CCDC74A: variants seen among roughly 807,000 people sequenced by gnomAD.
The protein encoded by CCDC74A is coiled-coil domain containing 74A.
Under a neutral mutation model 37.6 loss-of-function variants are expected in CCDC74A, and 38 were observed. That is an observed-to-expected ratio of 1.01 (90% CI 0.78 to 1.33). The LOEUF (loss-of-function observed/expected upper bound fraction) is 1.33. CCDC74A is among the 40% of genes most tolerant of loss of function. CCDC74A has a pLI of 0.00. For missense variants in CCDC74A, 340 were observed against 403.4 expected, an observed-to-expected ratio of 0.84 and a Z score of 1.35; for synonymous variants, 134 against 165.2, an observed-to-expected ratio of 0.81 and a Z score of 1.45.
intron 3 of CCDC74A, 74 bp from the exon 4 acceptor site, chr2:131,531,590 G>A: frequency 6.9e-7 from 1 of 1,448,766 alleles, no homozygotes; most frequent in Non-Finnish European, 9.1e-7. Context: ...GCTGTTCCTG[G>A]AAAACTTGGG....
At chr2:131,525,439 AACTCTTGG>A (rs1402695648), upstream of CCDC74A, among the ~76,000 whole-genome samples, 4 of 152,306 alleles carry the variant, frequency 2.6e-5, no homozygotes, top group East Asian at 7.7e-4. Flanking sequence ...GCTGGTCTCC[AACTCTTGG>A]GCTCAAGAGA....
chr2:131,523,166 A>T (rs1292722869), upstream of CCDC74A, among the ~76,000 whole-genome samples: 1 of 152,148 alleles, frequency 6.6e-6, no homozygotes, highest in Non-Finnish European at 1.5e-5. Context: ...CCGCATCCTG[A>T]AGTGCTAGGG....
At chr2:131,525,119 A>G (rs1680252573), upstream of CCDC74A, among the ~76,000 whole-genome samples, 1 of 152,226 alleles carries the variant, frequency 6.6e-6, no homozygotes, top group East Asian at 1.9e-4. Context: ...ATAAACCATA[A>G]TTACTGAATA....
rs1276031350 is a variant in CCDC74A at position 131,532,677 on chromosome 2, C to A, written c.574C>A (p.Pro192Thr). Residue 192 changes from proline (P) to threonine (T), a missense_variant, in exon 5 of 8, where the codon CCC (proline) becomes ACC (threonine). This residue lies in a region of CCDC74A where 185 missense variants were observed against 231.5 expected (regional missense o/e 0.80). Coordinates refer to ENST00000409856, the MANE Select transcript of CCDC74A (RefSeq NM_001258306.3). ...CAGGCAGATGGGGGCGGGGGCACAC[C>A]CCCCAATGATCCTGCCCCTTCCCCT... The part of the protein sequence containing the change: ...QGRQMGAGAH[P>T]PMILPLPLRK... 6.2e-7 allele frequency: 1 copy of A among 1,613,240 alleles called. No individual in the cohort carries two copies. The highest frequency in any genetic ancestry group is 2.2e-5 in the East Asian group (1 of 44,872).
Position 131,533,642 on chromosome 2 carries a change from G to A in CCDC74A, c.*244G>A, listed in dbSNP as rs372996927. 2.5e-3 allele frequency: 1,396 copies of A among 551,408 alleles called. 30 individuals carry two copies. The Admixed American group carries it at 0.035, about 14-fold the overall frequency. The allele number at this position is 551,408 out of a possible 1,614,324, so 34.2% of individuals were successfully genotyped here. A position where few individuals can be genotyped will look rare whatever the true frequency, so the allele number is the denominator to read the frequency against. On this transcript the variant is annotated 3_prime_UTR_variant, in exon 8 of 8. Transcript: ENST00000409856. ...AGGTATCGCCTTACCTGTTGAAACT[G>A]AAAATAAAGCTTGTTTATTTCCAAG...
intron 1 of CCDC74A, chr2:131,529,369 C>G (rs1187019320): frequency 1.6e-6 from 1 of 609,302 alleles, no homozygotes; most frequent in Non-Finnish European, 2.9e-6. Flanking sequence ...CCCTAAAGCC[C>G]AGGCCCTGCC....
At chr2:131,530,065 A>G in intron 2 of CCDC74A, 2 of 1,550,390 alleles carry the variant, frequency 1.3e-6, no homozygotes, top group South Asian at 1.2e-5. Flanking sequence ...TTCCAGCCCT[A>G]TGGCTCTGAG....
chr2:131,528,177 C>G lies in CCDC74A; in HGVS notation c.207C>G (p.Ala69=), dbSNP rs1296618306. The G allele has an allele frequency of 6.2e-7, 1 of 1,613,816 alleles. No individual in the cohort carries two copies. The highest frequency in any genetic ancestry group is 2.2e-5 in the East Asian group (1 of 44,854). ...FLQQQHSEML[A]KLHEEIEHLK... is the part of the protein sequence containing the mutation. ...AGCAGCAGCACTCGGAGATGCTGGCCAAGCTCCATGAGGAGATCGAGCATC... is the reference window on the plus strand; with the variant it reads ...AGCAGCAGCACTCGGAGATGCTGGCGAAGCTCCATGAGGAGATCGAGCATC... Residue 69 remains alanine, a synonymous_variant, in exon 1 of 8, where the codon GCC becomes GCG. Transcript: ENST00000409856.
chr2:131,530,055 T>G (rs756919419), intron 2 of CCDC74A: 1 of 1,550,170 alleles, frequency 6.5e-7, no homozygotes, highest in South Asian at 1.2e-5. Flanking sequence ...GGCCCAGGAT[T>G]TCCAGCCCTA....
chr2:131,524,930 G>T (rs1370984351), upstream of CCDC74A, among the ~76,000 whole-genome samples: 1 of 150,252 alleles, frequency 6.7e-6, no homozygotes, highest in Non-Finnish European at 1.5e-5. Context: ...GCATGGTGGT[G>T]TGTGCCTGTA....
chr2:131,529,462 C>A (rs1288444990), intron 1 of CCDC74A, 185 bp from the exon 2 acceptor site: 1 of 786,318 alleles, frequency 1.3e-6, no homozygotes, highest in East Asian at 2.6e-5. Context: ...ACAGGCAGGG[C>A]CATTCCTGGC....
upstream of CCDC74A, among the ~76,000 whole-genome samples, chr2:131,526,768 T>C (rs1680344960): frequency 6.6e-6 from 1 of 152,246 alleles, no homozygotes; most frequent in African/African-American, 2.4e-5. Context: ...GTTCTGTTTG[T>C]TAACTGGAGG....
At chr2:131,528,391 G>C in intron 1 of CCDC74A, 171 bp downstream of exon 1, 1 of 1,550,374 alleles carries the variant, frequency 6.5e-7, no homozygotes, top group Non-Finnish European at 8.7e-7. Flanking sequence ...CTCCCAGAGG[G>C]AGACCCGCGT....
chr2:131,531,827 G>A (rs537387638), intron 4 of CCDC74A, 25 bp downstream of exon 4: 2 of 1,539,110 alleles, frequency 1.3e-6, no homozygotes, highest in Admixed American at 2.0e-5. Flanking sequence ...TTCCTGGGGT[G>A]CAAGGGCAGG....
At chr2:131,528,845 C>G (rs1252396602) in intron 1 of CCDC74A, among the ~76,000 whole-genome samples, 1 of 152,150 alleles carries the variant, frequency 6.6e-6, no homozygotes, top group Non-Finnish European at 1.5e-5. Flanking sequence ...TACAGGGAAA[C>G]GTGCCCAAGT....
At chr2:131,527,656 G>T, upstream of CCDC74A, 1 of 349,128 alleles carries the variant, frequency 2.9e-6, no homozygotes, top group Non-Finnish European at 5.1e-6. Flanking sequence ...CACTACACCC[G>T]GCTACATTTT....
chr2:131,530,710 C>G (rs1681109348), intron 2 of CCDC74A, 67 bp from the exon 3 acceptor site: 1 of 1,613,276 alleles, frequency 6.2e-7, no homozygotes, highest in African/African-American at 1.3e-5. Context: ...CTCACGGACA[C>G]ACAGGCCAGG....
Position 131,533,169 on chromosome 2 carries a change from T to C in CCDC74A, c.809+100T>C, listed in dbSNP as rs1346800360. ...GTGGCAGCGCAGAAGCAGAGCTCGC[T>C]GAGGCCTCTCTGTGCCCCCGTGAGG... On this transcript the variant is annotated intron_variant, in intron 7 of 7. Coordinates refer to ENST00000409856, the MANE Select transcript of CCDC74A (RefSeq NM_001258306.3). 73 of 1,608,196 alleles carry C rather than the reference T, an allele frequency of 4.5e-5. 3 individuals are homozygous for C. In the South Asian group the frequency reaches 6.8e-4, roughly 15 times the overall value.
Position 131,531,712 on chromosome 2 carries a change from C to G in CCDC74A, c.395C>G (p.Ala132Gly). 1 of 1,488,596 alleles carries G rather than the reference C, an allele frequency of 6.7e-7. No individual in the cohort carries two copies. The highest frequency in any genetic ancestry group is 8.9e-7 in the Non-Finnish European group (1 of 1,129,226). The allele number at this position is 1,488,596 out of a possible 1,614,324, so 92.2% of individuals were successfully genotyped here. A position where few individuals can be genotyped will look rare whatever the true frequency, so the allele number is the denominator to read the frequency against. ...TCCTTCAACAAGCAAGATTCAAAAG[C>G]TGACGTCTCCCAGAAGGCGGACCTG... Reference protein sequence around the residue: ...PGSFNKQDSKADVSQKADLEE... With the variant: ...PGSFNKQDSKGDVSQKADLEE... The change falls in exon 4 of 8, where the codon GCT becomes GGT. Residue 132 changes from alanine (A) to glycine (G), a missense_variant. Ala to Gly is a moderately conservative substitution (Grantham distance 60, BLOSUM62 0). Coordinates refer to ENST00000409856, the MANE Select transcript of CCDC74A (RefSeq NM_001258306.3).
Sources: gnomAD v4.1 joint callset for allele counts (sites outside exome capture counted in the v4.1 genomes callset) on GRCh38, gnomAD v4.1.1 for gene constraint, gnomAD v4.1.1 regional missense constraint, MANE v1.5 for transcripts, NCBI Gene and HGNC (gene_info 2026-07-23, HGNC 2026-07-21) for gene names.